SYTL5: variants seen among roughly 807,000 people sequenced by gnomAD.
SYTL5 encodes synaptotagmin-like protein 5.
SYTL5 carries 34 observed loss-of-function variants against 55.9 expected under a neutral mutation model. The observed-to-expected ratio is 0.61, with a 90% CI of 0.46 to 0.81. The LOEUF is 0.81. Among genes scored for constraint, SYTL5 ranks in the 30% least tolerant of loss-of-function variants. The probability of loss-of-function intolerance (pLI) is 0.00; values close to 1 mark genes in which losing one functional copy is unlikely to be tolerated. For missense variants in SYTL5, 637 were observed against 546.7 expected, an observed-to-expected ratio of 1.17 and a Z score of -1.65; for synonymous variants, 221 against 188.7, an observed-to-expected ratio of 1.17 and a Z score of -1.40.
chrX:37,913,729 T>G, the SYTL5 span, among the ~76,000 whole-genome samples: 156 of 112,487 alleles, frequency 1.4e-3, 1 homozygote, highest in African/African-American at 4.7e-3. Context: ...CTCAATTGCC[T>G]TTTAATAGTG....
At chrX:38,092,669 T>C (rs1286168035) in intron 7 of SYTL5, among the ~76,000 whole-genome samples, 1 of 111,049 alleles carries the variant, frequency 9.0e-6, no homozygotes, top group Non-Finnish European at 1.9e-5. Context: ...CCTCTCTCAG[T>C]CCACTGACTC....
chrX:37,942,288 G>T, the SYTL5 span, among the ~76,000 whole-genome samples: 1 of 111,522 alleles, frequency 9.0e-6, no homozygotes, highest in African/African-American at 3.3e-5. Context: ...AATTTTACCT[G>T]CTGTCATCTC....
the SYTL5 span, among the ~76,000 whole-genome samples, chrX:37,931,269 T>C: frequency 8.9e-6 from 1 of 111,874 alleles, no homozygotes; most frequent in African/African-American, 3.2e-5. Flanking sequence ...CAATTCCAAA[T>C]GTAAGATTTT....
the SYTL5 span, among the ~76,000 whole-genome samples, chrX:37,932,713 C>T: frequency 8.9e-6 from 1 of 111,818 alleles, no homozygotes; most frequent in Non-Finnish European, 1.9e-5. Flanking sequence ...ATTTTGTTCA[C>T]AATTTTGTGG....
At chrX:38,054,460 T>C in intron 3 of SYTL5, 38 bp downstream of exon 3, 1 of 1,137,193 alleles carries the variant, frequency 8.8e-7, no homozygotes, top group Non-Finnish European at 1.2e-6. Flanking sequence ...TGGAGATTGA[T>C]GACTGAAGGG....
chrX:37,905,396 C>T, the SYTL5 span, among the ~76,000 whole-genome samples: 1 of 93,425 alleles, frequency 1.1e-5, no homozygotes, highest in Non-Finnish European at 2.1e-5. Context: ...GCCATATCCA[C>T]CTTGCAGGTG....
chrX:38,053,100 C>T (rs1375733916), intron 2 of SYTL5, among the ~76,000 whole-genome samples: 1 of 112,383 alleles, frequency 8.9e-6, no homozygotes, highest in African/African-American at 3.2e-5. Flanking sequence ...ATCTCCAAAG[C>T]TGTGCTTCTC....
chrX:37,903,422 CCAT>C, the SYTL5 span, among the ~76,000 whole-genome samples: 1 of 107,585 alleles, frequency 9.3e-6, no homozygotes, highest in African/African-American at 3.4e-5. Flanking sequence ...AAGCTGGAAA[CCAT>C]CATTCTCAGC....
the SYTL5 span, among the ~76,000 whole-genome samples, chrX:37,965,710 A>T: frequency 8.9e-6 from 1 of 111,902 alleles, no homozygotes; most frequent in South Asian, 3.6e-4. Context: ...TGAGTATTGA[A>T]TCGCCTACTA....
the SYTL5 span, chrX:37,906,368 C>A: frequency 1.8e-5 from 2 of 112,289 alleles, no homozygotes; most frequent in African/African-American, 6.5e-5. Flanking sequence ...GGTACCTTCA[C>A]ATGTCCGAAT....
At chrX:38,054,073 A>C (rs1984768066) in intron 2 of SYTL5, 140 bp from the exon 3 acceptor site, 1 of 459,411 alleles carries the variant, frequency 2.2e-6, no homozygotes, top group African/African-American at 2.4e-5. Flanking sequence ...ATTCTAAGTG[A>C]GATTGCATGG....
chrX:38,032,690 A>C (rs763709449), intron 1 of SYTL5, among the ~76,000 whole-genome samples: 1 of 111,111 alleles, frequency 9.0e-6, no homozygotes, highest in African/African-American at 3.3e-5. Flanking sequence ...ATATATGTAT[A>C]TATGTATATG....
chrX:38,115,259 C>A (rs1036388427), intron 13 of SYTL5, among the ~76,000 whole-genome samples: 1 of 102,649 alleles, frequency 9.7e-6, no homozygotes, highest in Non-Finnish European at 2.0e-5. Context: ...CCGAGGCGGG[C>A]GGATCACGAG....
chrX:37,947,990 A>G, the SYTL5 span, among the ~76,000 whole-genome samples: 14 of 111,936 alleles, frequency 1.3e-4, no homozygotes, highest in Non-Finnish European at 2.4e-4. Context: ...AAAGTACCAA[A>G]TGACTCAGTC....
rs982510004 is a variant in SYTL5 at position 38,042,343 on chromosome X, G to A, written c.119+8335G>A. On this transcript the variant is annotated intron_variant, in intron 2 of 16. Coordinates refer to ENST00000297875, the MANE Select transcript of SYTL5 (RefSeq NM_138780.3). ...ACTCAAGGCTAAAGTTGGCCTTGTG[G>A]AACTTGTGTATAGGGAGAGTTGGCC... Among the ~76,000 whole-genome samples, 129 of 110,735 alleles carry A rather than the reference G, an allele frequency of 1.2e-3. 1 individual carries two copies. The highest frequency in any genetic ancestry group is 9.2e-3 in the Middle Eastern group (2 of 217).
chrX:37,974,523 T>C, the SYTL5 span, among the ~76,000 whole-genome samples: 3 of 111,869 alleles, frequency 2.7e-5, no homozygotes, highest in Admixed American at 9.5e-5. Flanking sequence ...TGTACAATAT[T>C]GTAAATGTAC....
At chrX:37,965,906 A>G in the SYTL5 span, among the ~76,000 whole-genome samples, 1 of 112,382 alleles carries the variant, frequency 8.9e-6, no homozygotes, top group Admixed American at 9.4e-5. Context: ...TGTCTGATAT[A>G]AGTATAGCTA....
chrX:37,935,671 T>C, the SYTL5 span, among the ~76,000 whole-genome samples: 2 of 111,951 alleles, frequency 1.8e-5, no homozygotes, highest in African/African-American at 3.2e-5. Context: ...TGGCATGAAT[T>C]TGAGCCAGTT....
the SYTL5 span, among the ~76,000 whole-genome samples, chrX:37,983,122 G>A: frequency 9.0e-6 from 1 of 111,115 alleles, no homozygotes; most frequent in Non-Finnish European, 1.9e-5. Context: ...AGTAATATAG[G>A]AACAAAAAGG....
Sources: gnomAD v4.1 joint callset for allele counts (sites outside exome capture counted in the v4.1 genomes callset) on GRCh38, gnomAD v4.1.1 for gene constraint, MANE v1.5 for transcripts, NCBI Gene and HGNC (gene_info 2026-07-23, HGNC 2026-07-21) for gene names.